Variants in GMDS observed in about 807,000 individuals in gnomAD.
The protein encoded by GMDS is GDP-mannose 4,6 dehydratase.
Under a neutral mutation model 49.9 loss-of-function variants are expected in GMDS, and 20 were observed. That is an observed-to-expected ratio of 0.40 (90% CI 0.28 to 0.58). The LOEUF is 0.58. Among genes scored for constraint, GMDS ranks in the 20% least tolerant of loss-of-function variants. GMDS has a pLI of 0.42. For missense variants in GMDS, 362 were observed against 481.4 expected (o/e 0.75, Z 2.32); for synonymous variants, 177 against 178.6 (o/e 0.99, Z 0.07).
chr6:2,111,621 C>T (rs1774548230), intron 4 of GMDS, among the ~76,000 whole-genome samples: 1 of 152,178 alleles, frequency 6.6e-6, no homozygotes, highest in South Asian at 2.1e-4. Context: ...TTATTCCATA[C>T]AAACAGAAGC....
chr6:1,932,251 C>T (rs1045266114), intron 6 of GMDS, among the ~76,000 whole-genome samples: 1 of 152,182 alleles, frequency 6.6e-6, no homozygotes, highest in African/African-American at 2.4e-5. Context: ...CCAATGAGGG[C>T]TATCGCTGAT....
chr6:2,081,111 C>T (rs1195581504), intron 4 of GMDS, among the ~76,000 whole-genome samples: 4 of 151,876 alleles, frequency 2.6e-5, no homozygotes, highest in African/African-American at 9.7e-5. Context: ...TGTTAGTAAA[C>T]GTAAAATGTC....
At chr6:1,888,242 T>C (rs191094362) in intron 7 of GMDS, among the ~76,000 whole-genome samples, 24 of 152,038 alleles carry the variant, frequency 1.6e-4, no homozygotes, top group Non-Finnish European at 2.4e-4. Flanking sequence ...TTCACACTGC[T>C]ATAATTACTA....
intron 1 of GMDS, among the ~76,000 whole-genome samples, chr6:2,202,653 C>T (rs1475337078): frequency 1.3e-5 from 2 of 152,026 alleles, no homozygotes; most frequent in African/African-American, 4.8e-5. Flanking sequence ...GGCCTCGTGG[C>T]CTATGTCCTG....
intron 7 of GMDS, among the ~76,000 whole-genome samples, chr6:1,772,633 G>A (rs543855828): frequency 9.2e-5 from 14 of 152,296 alleles, no homozygotes; most frequent in Admixed American, 2.0e-4. Flanking sequence ...AGCAAAGCAC[G>A]GGGGAGTATA....
At chr6:1,987,295 CCTTT>C (rs1765614086) in intron 4 of GMDS, among the ~76,000 whole-genome samples, 2 of 151,182 alleles carry the variant, frequency 1.3e-5, no homozygotes, top group East Asian at 1.9e-4. Context: ...TTTTTTTCTT[CCTTT>C]CTATTTATAT....
intron 9 of GMDS, among the ~76,000 whole-genome samples, chr6:1,691,172 C>T (rs547490317): frequency 9.2e-5 from 14 of 152,128 alleles, no homozygotes; most frequent in South Asian, 2.1e-4. Flanking sequence ...TGGAATACTA[C>T]GAAAACATAA....
At chr6:1,786,799 GT>G (rs35301662) in intron 7 of GMDS, among the ~76,000 whole-genome samples, 139 of 149,440 alleles carry the variant, frequency 9.3e-4, no homozygotes, top group East Asian at 4.1e-3. Flanking sequence ...GTAATTTGTG[GT>G]TTTTTTTTTT....
intron 1 of GMDS, among the ~76,000 whole-genome samples, chr6:2,237,040 T>G (rs1781392269): frequency 6.6e-6 from 1 of 152,212 alleles, no homozygotes; most frequent in Admixed American, 6.5e-5. Flanking sequence ...TGTGGTAAAT[T>G]GTTTAAAAGG....
intron 1 of GMDS, among the ~76,000 whole-genome samples, chr6:2,242,027 C>G (rs942263870): frequency 6.6e-6 from 1 of 152,188 alleles, no homozygotes; most frequent in Non-Finnish European, 1.5e-5. Flanking sequence ...AGATTTCTAT[C>G]TTAAAGTAGT....
chr6:2,211,647 A>G (rs1780066390), intron 1 of GMDS, among the ~76,000 whole-genome samples: 1 of 152,176 alleles, frequency 6.6e-6, no homozygotes, highest in Admixed American at 6.5e-5. Context: ...CCCCACCAAA[A>G]ATAACTAGAA....
At chr6:2,101,320 A>G (rs1773912552) in intron 4 of GMDS, among the ~76,000 whole-genome samples, 1 of 151,946 alleles carries the variant, frequency 6.6e-6, no homozygotes, top group Non-Finnish European at 1.5e-5. Flanking sequence ...AAAACAAAAA[A>G]CAAAAAAAAG....
intron 7 of GMDS, among the ~76,000 whole-genome samples, chr6:1,907,489 A>G (rs1285344691): frequency 6.6e-6 from 1 of 152,242 alleles, no homozygotes; most frequent in East Asian, 1.9e-4. Context: ...GGGCCAATAC[A>G]GTATTGAAAC....
intron 1 of GMDS, among the ~76,000 whole-genome samples, chr6:2,222,585 A>G (rs1014972156): frequency 1.3e-5 from 2 of 152,232 alleles, no homozygotes; most frequent in East Asian, 3.8e-4. Context: ...ATACTGTAAT[A>G]GACGCAATTA....
chr6:2,063,705 T>C (rs1179163234), intron 4 of GMDS, among the ~76,000 whole-genome samples: 3 of 152,114 alleles, frequency 2.0e-5, no homozygotes, highest in Non-Finnish European at 4.4e-5. Context: ...AAACACAATC[T>C]AGAGGGAACA....
intron 4 of GMDS, among the ~76,000 whole-genome samples, chr6:1,964,575 A>G (rs1764153217): frequency 6.6e-6 from 1 of 152,252 alleles, no homozygotes; most frequent in Admixed American, 6.5e-5. Flanking sequence ...TGAACCACAC[A>G]TCCTTGCATA....
At chr6:2,019,413 T>C (rs1768119048) in intron 4 of GMDS, among the ~76,000 whole-genome samples, 1 of 152,064 alleles carries the variant, frequency 6.6e-6, no homozygotes, top group Non-Finnish European at 1.5e-5. Context: ...TCTTTCACTA[T>C]TAAGTATGAT....
chr6:2,057,739 T>TA (rs1181045740), intron 4 of GMDS, among the ~76,000 whole-genome samples: 1 of 151,990 alleles, frequency 6.6e-6, no homozygotes, highest in East Asian at 1.9e-4. Context: ...TTTTTCAGAG[T>TA]ACTGGGGATC....
At chr6:1,643,609 T>C (rs989693915) in intron 9 of GMDS, among the ~76,000 whole-genome samples, 1 of 152,136 alleles carries the variant, frequency 6.6e-6, no homozygotes, top group East Asian at 1.9e-4. Flanking sequence ...AATCAGCAGA[T>C]GCATAGAGAC....
Sources: gnomAD v4.1 joint callset for allele counts (sites outside exome capture counted in the v4.1 genomes callset) on GRCh38, gnomAD v4.1.1 for gene constraint, MANE v1.5 for transcripts, NCBI Gene and HGNC (gene_info 2026-07-23, HGNC 2026-07-21) for gene names.